Variants in CAMK1D observed in about 807,000 individuals in gnomAD.
The protein encoded by CAMK1D is calcium/calmodulin dependent protein kinase ID.
In CAMK1D, 9 loss-of-function variants were observed where a neutral mutation model predicts 47.7. The observed-to-expected ratio is 0.19, with a 90% confidence interval of 0.11 to 0.33. CAMK1D has a LOEUF of 0.33. Among genes scored for constraint, CAMK1D ranks in the 10% least tolerant of loss-of-function variants. CAMK1D has a pLI of 1.00. For missense variants in CAMK1D, 291 were observed against 488.7 expected (o/e 0.60, Z 3.81); for synonymous variants, 184 against 184.9 (o/e 0.99, Z 0.04).
rs376087669 is a variant in CAMK1D at position 12,760,932 on chromosome 10, T to C, written c.300-16T>C. The C allele has an allele frequency of 4.3e-6, 7 of 1,609,550 alleles. No homozygotes were observed. In the African/African-American group the frequency reaches 9.4e-5, roughly 22 times the overall value. Reference sequence around the variant, plus strand: ...AACAGATCCTTTCAAACTTCTAATATGTTCTTTTTTGCCAGGGTGTCCGGT... The same window carrying C: ...AACAGATCCTTTCAAACTTCTAATACGTTCTTTTTTGCCAGGGTGTCCGGT... On this transcript the variant is annotated splice_polypyrimidine_tract_variant and intron_variant, in intron 3 of 10. Transcript: ENST00000619168.
chr10:12,792,709 T>C lies in CAMK1D; in HGVS notation c.641+1476T>C, dbSNP rs571582054. ...TTTAGGTAACAGTGCCTGTAGATTC[T>C]TGTCGTTATCACAGGAGAATTTCAT... On this transcript the variant is annotated intron_variant, in intron 6 of 10. Transcript: ENST00000619168. 1.4e-3 allele frequency among the ~76,000 whole-genome samples: 218 copies of C among 152,338 alleles called. 1 individual carries two copies. The highest frequency in any genetic ancestry group is 0.014 in the Middle Eastern group (4 of 294).
intron 3 of CAMK1D, among the ~76,000 whole-genome samples, chr10:12,705,487 T>A (rs185498715): frequency 1.3e-4 from 20 of 152,064 alleles, no homozygotes; most frequent in African/African-American, 3.9e-4. Flanking sequence ...AAGAAAAGAA[T>A]AGAATAATAG....
At chr10:12,626,347 G>C (rs7075852) in intron 2 of CAMK1D, among the ~76,000 whole-genome samples, 6,064 of 151,930 alleles carry the variant, frequency 0.04, 351 homozygotes, top group African/African-American at 0.12. Flanking sequence ...AAATAGTGTC[G>C]CTAGACTTAC....
intron 1 of CAMK1D, among the ~76,000 whole-genome samples, chr10:12,399,459 G>A (rs1170774471): frequency 4.6e-5 from 7 of 151,688 alleles, no homozygotes; most frequent in African/African-American, 9.7e-5. Context: ...AGCTGAGATC[G>A]CACCACTGCA....
chr10:12,398,275 C>CA (rs965446714), intron 1 of CAMK1D, among the ~76,000 whole-genome samples: 7 of 151,910 alleles, frequency 4.6e-5, no homozygotes, highest in Non-Finnish European at 7.4e-5. Context: ...TTGTTCTTGC[C>CA]AAAAATATGT....
intron 1 of CAMK1D, among the ~76,000 whole-genome samples, chr10:12,364,645 G>C (rs1325504518): frequency 6.6e-6 from 1 of 152,094 alleles, no homozygotes. Context: ...CTCACGCTCT[G>C]TGCATGCATG....
intron 6 of CAMK1D, among the ~76,000 whole-genome samples, chr10:12,807,433 A>C (rs748526532): frequency 1.3e-5 from 2 of 151,960 alleles, no homozygotes; most frequent in Non-Finnish European, 2.9e-5. Flanking sequence ...GCTTTCTTTT[A>C]GTGTTCAGTT....
intron 1 of CAMK1D, among the ~76,000 whole-genome samples, chr10:12,497,426 G>A (rs529315619): frequency 2.1e-5 from 3 of 145,062 alleles, no homozygotes; most frequent in South Asian, 2.2e-4. Flanking sequence ...GCAGTGAACC[G>A]AGATCACGCC....
At chr10:12,815,982 T>C (rs1440259854) in intron 7 of CAMK1D, among the ~76,000 whole-genome samples, 1 of 152,206 alleles carries the variant, frequency 6.6e-6, no homozygotes, top group East Asian at 1.9e-4. Flanking sequence ...ACCAAAGGTA[T>C]CACTAGCCAC....
intron 1 of CAMK1D, among the ~76,000 whole-genome samples, chr10:12,513,256 G>A (rs1400473092): frequency 3.9e-5 from 6 of 152,176 alleles, no homozygotes; most frequent in Non-Finnish European, 8.8e-5. Flanking sequence ...CACCCTGGAC[G>A]CGGGCAGCCC....
intron 3 of CAMK1D, among the ~76,000 whole-genome samples, chr10:12,667,245 C>T (rs531209014): frequency 2.0e-5 from 3 of 152,314 alleles, no homozygotes; most frequent in African/African-American, 4.8e-5. Flanking sequence ...TGTGTATACC[C>T]GTTTCTTCCC....
At chr10:12,700,117 A>G (rs1049138922) in intron 3 of CAMK1D, among the ~76,000 whole-genome samples, 6 of 152,188 alleles carry the variant, frequency 3.9e-5, no homozygotes, top group Non-Finnish European at 8.8e-5. Context: ...CAACAGCACA[A>G]TATAACCCAC....
chr10:12,659,678 T>C (rs1011908765), intron 2 of CAMK1D, among the ~76,000 whole-genome samples: 6 of 152,186 alleles, frequency 3.9e-5, no homozygotes, highest in Non-Finnish European at 7.3e-5. Flanking sequence ...AAGCGTTTAC[T>C]TAGATAAACG....
intron 3 of CAMK1D, among the ~76,000 whole-genome samples, chr10:12,722,690 T>G (rs1834447277): frequency 6.6e-6 from 1 of 152,096 alleles, no homozygotes; most frequent in Non-Finnish European, 1.5e-5. Context: ...CTGGACGAGG[T>G]CAGTTCAAAG....
chr10:12,511,577 C>T (rs1375540534), intron 1 of CAMK1D, among the ~76,000 whole-genome samples: 1 of 152,230 alleles, frequency 6.6e-6, no homozygotes, highest in Admixed American at 6.5e-5. Flanking sequence ...CTCCACCACA[C>T]TCTAGCCTGG....
intron 6 of CAMK1D, among the ~76,000 whole-genome samples, chr10:12,800,421 G>T (rs1015758342): frequency 6.6e-6 from 1 of 152,224 alleles, no homozygotes; most frequent in Non-Finnish European, 1.5e-5. Context: ...CCTACAGGAT[G>T]CAGACATTCA....
At chr10:12,372,567 T>C (rs1838035578) in intron 1 of CAMK1D, among the ~76,000 whole-genome samples, 1 of 152,198 alleles carries the variant, frequency 6.6e-6, no homozygotes, top group African/African-American at 2.4e-5. Context: ...TGGTAGGTGA[T>C]GTTAGCATGG....
chr10:12,368,689 G>A (rs1263581632), intron 1 of CAMK1D, among the ~76,000 whole-genome samples: 1 of 151,206 alleles, frequency 6.6e-6, no homozygotes, highest in African/African-American at 2.4e-5. Context: ...CACTTTGGGA[G>A]GCCCAAATCA....
chr10:12,586,959 C>G (rs1270796812), intron 2 of CAMK1D, among the ~76,000 whole-genome samples: 1 of 152,098 alleles, frequency 6.6e-6, no homozygotes, highest in African/African-American at 2.4e-5. Context: ...TGATAAGGAC[C>G]ATGACTCACA....
Sources: gnomAD v4.1 joint callset for allele counts (sites outside exome capture counted in the v4.1 genomes callset) on GRCh38, gnomAD v4.1.1 for gene constraint, MANE v1.5 for transcripts, NCBI Gene and HGNC (gene_info 2026-07-23, HGNC 2026-07-21) for gene names.